SCN7A: variants seen among roughly 807,000 people sequenced by gnomAD.
SCN7A encodes sodium voltage-gated channel alpha subunit 7.
SCN7A carries 138 observed loss-of-function variants against 155.2 expected under a neutral mutation model. That is an observed-to-expected ratio of 0.89 (90% CI 0.77 to 1.02). The LOEUF (loss-of-function observed/expected upper bound fraction) is 1.02, where lower values mean the gene tolerates loss of function less well. Among genes scored for constraint, SCN7A ranks in the 50% least tolerant of loss-of-function variants. The pLI is 0.00. For missense variants in SCN7A, 2,058 were observed against 1,986.6 expected (o/e 1.04, Z -0.68); for synonymous variants, 693 against 649.0 (o/e 1.07, Z -1.03).
rs1162703306 is a variant in SCN7A, at chr2:166,462,376, T to A, written c.1083+13A>T. The A allele has an allele frequency of 6.3e-7, 1 of 1,576,626 alleles. No individual in the cohort carries two copies. The highest frequency in any genetic ancestry group is 2.3e-5 in the East Asian group (1 of 43,552). On this transcript the variant is annotated intron_variant, in intron 10 of 25. Transcript: ENST00000643258. ...CCATTCCTAAGTACAGTACAATTTC[T>A]CTCTGTTCTTACCTGGTGATAAAGT...
At chr2:166,472,272 T>C (rs554220516) in intron 6 of SCN7A, 45 bp downstream of exon 6, 1 of 1,528,170 alleles carries the variant, frequency 6.5e-7, no homozygotes, top group African/African-American at 1.4e-5. Context: ...AAAAACATTT[T>C]CTGAGCAAAA....
intron 11 of SCN7A, among the ~76,000 whole-genome samples, chr2:166,452,533 T>A (rs893092632): frequency 1.3e-5 from 2 of 152,178 alleles, no homozygotes; most frequent in Non-Finnish European, 2.9e-5. Context: ...CAGTGCTTTG[T>A]ACAATTGTCA....
chr2:166,463,620 G>A (rs1702460542), intron 9 of SCN7A, among the ~76,000 whole-genome samples: 1 of 152,106 alleles, frequency 6.6e-6, no homozygotes, highest in Admixed American at 6.6e-5. Flanking sequence ...TAGCCAAAAT[G>A]TATTTCGGGT....
intron 22 of SCN7A, 131 bp from the exon 23 acceptor site, chr2:166,412,798 T>C: frequency 7.5e-7 from 1 of 1,332,994 alleles, no homozygotes; most frequent in Non-Finnish European, 9.8e-7. Flanking sequence ...TCTTTTTTGC[T>C]GTTTGGTAAA....
At chr2:166,447,137 G>A (rs560631102) in intron 12 of SCN7A, among the ~76,000 whole-genome samples, 5 of 152,122 alleles carry the variant, frequency 3.3e-5, no homozygotes, top group African/African-American at 4.8e-5. Flanking sequence ...TGAAGCGAAC[G>A]TGTATTAGAA....
intron 6 of SCN7A, among the ~76,000 whole-genome samples, chr2:166,472,090 T>A (rs987761062): frequency 2.0e-5 from 3 of 151,708 alleles, no homozygotes; most frequent in Non-Finnish European, 4.4e-5. Flanking sequence ...ATTAGGTATA[T>A]CTCCTAATGC....
chr2:166,405,877 T>A lies in SCN7A; in HGVS notation c.4752A>T (p.Arg1584Ser), dbSNP rs751541619. The change falls in exon 26 of 26, where the codon AGA (arginine) becomes AGT (serine). Residue 1584 changes from arginine to serine, a missense_variant. By Grantham distance (110) the Arg-to-Ser change is moderately radical (BLOSUM62 -1). Transcript: ENST00000643258. The part of the protein sequence containing the change: ...CLDILLAFTK[R>S]VMGQDVRMEK... ...CCATCCTCACATCTTGACCCATAAC[T>A]CTCTTTGTAAAAGCAAGTAAGATAT... 8.1e-6 allele frequency: 13 copies of A among 1,613,000 alleles called. No homozygotes were observed. The Admixed American group carries it at 1.2e-4, about 15-fold the overall frequency.
chr2:166,430,799 A>G (rs1339260416), intron 16 of SCN7A, among the ~76,000 whole-genome samples: 1 of 152,038 alleles, frequency 6.6e-6, no homozygotes, highest in Non-Finnish European at 1.5e-5. Context: ...GCAAAGAAAC[A>G]AGACAGTGTA....
rs374867926 is a variant in SCN7A, at chr2:166,412,502, T to G, written c.3606+28A>C. On this transcript the variant is annotated intron_variant, in intron 23 of 25. Coordinates refer to ENST00000643258, the MANE Select transcript of SCN7A (RefSeq NM_002976.4). ...GTGTATGCCTGATTTTCTCAGACAT[T>G]GGATAAACAAATAATATTTATACTT... The G allele has an allele frequency of 7.9e-5, 110 of 1,388,574 alleles. No individual in the cohort carries two copies. In the African/African-American group the frequency reaches 1.4e-3, roughly 18 times the overall value. 86.0% of individuals were successfully genotyped at this position (1,388,574 alleles called of 1,614,324 possible).
rs186216784 is a variant in SCN7A at position 166,477,027 on chromosome 2, T to C, written c.234+436A>G. On this transcript the variant is annotated intron_variant, in intron 3 of 25. Transcript: ENST00000643258. ...GATAAGGAGTAAGTGTATGTATGTATGAATGAATAAAAATGATAAATAACA... is the reference window on the plus strand; with the variant it reads ...GATAAGGAGTAAGTGTATGTATGTACGAATGAATAAAAATGATAAATAACA... 5.2e-3 allele frequency among the ~76,000 whole-genome samples: 796 copies of C among 152,152 alleles called. 7 individuals are homozygous for C. Among genetic ancestry groups the C allele is most frequent in the African/African-American group, 0.018 (754 of 41,550 alleles).
chr2:166,429,112 T>G, intron 17 of SCN7A, 57 bp downstream of exon 17: 1 of 979,508 alleles, frequency 1.0e-6, no homozygotes, highest in East Asian at 2.7e-5. Flanking sequence ...AACATATACA[T>G]TTTGACAACT....
At chr2:166,487,734 G>C (rs908452830) in intron 1 of SCN7A, among the ~76,000 whole-genome samples, 10 of 151,854 alleles carry the variant, frequency 6.6e-5, no homozygotes, top group Admixed American at 3.9e-4. Context: ...AAAAGATTGA[G>C]GTTCACATTC....
chr2:166,430,235 G>A (rs1701706001), intron 16 of SCN7A, among the ~76,000 whole-genome samples: 1 of 151,934 alleles, frequency 6.6e-6, no homozygotes. Context: ...CACAGTAAGT[G>A]TCAAGGAAAT....
intron 7 of SCN7A, among the ~76,000 whole-genome samples, chr2:166,467,413 GT>G (rs1702558744): frequency 6.6e-6 from 1 of 150,924 alleles, no homozygotes; most frequent in South Asian, 2.1e-4. Flanking sequence ...TGTTGGAAAT[GT>G]TTTTAAGAAG....
intron 15 of SCN7A, 193 bp downstream of exon 15, chr2:166,441,203 A>G (rs1701952183): frequency 8.5e-6 from 4 of 470,190 alleles, no homozygotes; most frequent in Non-Finnish European, 7.4e-6. Flanking sequence ...AATCTGGTGC[A>G]TATTCTACAT....
At chr2:166,448,587 A>T (rs34692869) in intron 11 of SCN7A, among the ~76,000 whole-genome samples, 20,930 of 152,176 alleles carry the variant, frequency 0.14, 1,573 homozygotes, top group Middle Eastern at 0.16. Flanking sequence ...TTCCAAAAGA[A>T]TTTTTGGGTT....
intron 19 of SCN7A, among the ~76,000 whole-genome samples, chr2:166,422,105 G>C (rs1195305627): frequency 6.6e-6 from 1 of 152,108 alleles, no homozygotes; most frequent in Non-Finnish European, 1.5e-5. Context: ...TTTGGCTAGA[G>C]CTGAAGGCTA....
chr2:166,436,598 T>C (rs1431102598), intron 15 of SCN7A, among the ~76,000 whole-genome samples: 1 of 152,216 alleles, frequency 6.6e-6, no homozygotes, highest in African/African-American at 2.4e-5. Flanking sequence ...GAAGTGACTT[T>C]GGAGCTGGGT....
chr2:166,437,650 C>G (rs1015561912), intron 15 of SCN7A, among the ~76,000 whole-genome samples: 16 of 152,174 alleles, frequency 1.1e-4, no homozygotes, highest in African/African-American at 3.1e-4. Context: ...GGGGCTGTAC[C>G]CTACAAAGAC....
Sources: gnomAD v4.1 joint callset for allele counts (sites outside exome capture counted in the v4.1 genomes callset) on GRCh38, gnomAD v4.1.1 for gene constraint, MANE v1.5 for transcripts, NCBI Gene and HGNC (gene_info 2026-07-23, HGNC 2026-07-21) for gene names.